CNTNAP5: variants seen among roughly 807,000 people sequenced by gnomAD.
CNTNAP5 encodes contactin associated protein family member 5.
Under a neutral mutation model 150.2 loss-of-function variants are expected in CNTNAP5, and 72 were observed. The ratio of observed to expected loss-of-function variants is 0.48; its 90% CI spans 0.40 to 0.58. The LOEUF (loss-of-function observed/expected upper bound fraction) is 0.58. Ranked by LOEUF, CNTNAP5 falls within the 20% of genes least tolerant of loss-of-function variation. The pLI, the probability that CNTNAP5 is intolerant of heterozygous loss-of-function variation, is 0.00. For missense variants in CNTNAP5, 1,636 were observed against 1,626.2 expected, an observed-to-expected ratio of 1.01 and a Z score of -0.10; for synonymous variants, 672 against 619.8, an observed-to-expected ratio of 1.08 and a Z score of -1.25.
At chr2:124,379,595 G>T (rs182428233) in intron 3 of CNTNAP5, among the ~76,000 whole-genome samples, 2 of 152,200 alleles carry the variant, frequency 1.3e-5, no homozygotes, top group East Asian at 3.9e-4. Flanking sequence ...GGTCAACTAG[G>T]AATAAAGCTT....
intron 1 of CNTNAP5, among the ~76,000 whole-genome samples, chr2:124,142,345 C>A (rs1251341549): frequency 1.3e-5 from 2 of 149,034 alleles, no homozygotes; most frequent in Non-Finnish European, 3.0e-5. Context: ...ACATTTTTTT[C>A]AGCACCACAC....
At chr2:124,327,268 C>T (rs1337244247) in intron 3 of CNTNAP5, among the ~76,000 whole-genome samples, 1 of 152,102 alleles carries the variant, frequency 6.6e-6, no homozygotes, top group Non-Finnish European at 1.5e-5. Context: ...GCATGAGCCA[C>T]TGCGCCCGGC....
At chr2:124,375,983 T>A (rs1465728787) in intron 3 of CNTNAP5, among the ~76,000 whole-genome samples, 1 of 152,104 alleles carries the variant, frequency 6.6e-6, no homozygotes, top group Non-Finnish European at 1.5e-5. Flanking sequence ...GGCTTTGGCC[T>A]GCTGTTCTGC....
At chr2:124,597,775 G>A (rs1573485517) in intron 11 of CNTNAP5, among the ~76,000 whole-genome samples, 2 of 151,926 alleles carry the variant, frequency 1.3e-5, no homozygotes, top group African/African-American at 4.8e-5. Flanking sequence ...TCACTTTCAG[G>A]CACACCAATC....
chr2:124,120,796 C>T (rs1317489781), intron 1 of CNTNAP5, among the ~76,000 whole-genome samples: 1 of 152,132 alleles, frequency 6.6e-6, no homozygotes, highest in Non-Finnish European at 1.5e-5. Flanking sequence ...TAGATATCAA[C>T]TAAATGAAGA....
intron 1 of CNTNAP5, among the ~76,000 whole-genome samples, chr2:124,054,289 T>A (rs1484548456): frequency 6.6e-6 from 1 of 152,148 alleles, no homozygotes; most frequent in Non-Finnish European, 1.5e-5. Flanking sequence ...GATATGGGCA[T>A]TTGGGCAGTG....
At chr2:124,801,441 A>G (rs1681963484) in intron 19 of CNTNAP5, among the ~76,000 whole-genome samples, 1 of 152,210 alleles carries the variant, frequency 6.6e-6, no homozygotes, top group Non-Finnish European at 1.5e-5. Flanking sequence ...ATAACAGTGG[A>G]ATAAAGTACC....
intron 5 of CNTNAP5, among the ~76,000 whole-genome samples, chr2:124,437,332 T>G (rs1692556716): frequency 6.6e-6 from 1 of 152,188 alleles, no homozygotes. Flanking sequence ...ATATTCACAG[T>G]GTGGTAATGT....
At chr2:124,634,300 G>A (rs780344379) in intron 12 of CNTNAP5, among the ~76,000 whole-genome samples, 6 of 152,232 alleles carry the variant, frequency 3.9e-5, no homozygotes, top group Non-Finnish European at 5.9e-5. Flanking sequence ...AGGCCACATC[G>A]TGAAAGCTCT....
chr2:124,555,838 A>C (rs1430392092), intron 10 of CNTNAP5, among the ~76,000 whole-genome samples: 2 of 152,212 alleles, frequency 1.3e-5, no homozygotes, highest in Admixed American at 1.3e-4. Context: ...AGAGGGATTG[A>C]AAATAGAATT....
chr2:124,782,838 C>A (rs1227733405), intron 17 of CNTNAP5, among the ~76,000 whole-genome samples: 1 of 152,044 alleles, frequency 6.6e-6, no homozygotes, highest in Non-Finnish European at 1.5e-5. Flanking sequence ...GAAATATGAA[C>A]CATAATAAAT....
chr2:124,339,927 C>T (rs1359419056), intron 3 of CNTNAP5, among the ~76,000 whole-genome samples: 2 of 151,792 alleles, frequency 1.3e-5, no homozygotes, highest in Non-Finnish European at 2.9e-5. Flanking sequence ...GTCTTGCTGG[C>T]GTCAGTCTGA....
intron 3 of CNTNAP5, among the ~76,000 whole-genome samples, chr2:124,405,023 CTTAAGGT>C (rs1444549235): frequency 7.5e-6 from 1 of 133,324 alleles, no homozygotes; most frequent in Non-Finnish European, 1.6e-5. Context: ...TATATTAGTA[CTTAAGGT>C]TGTGGGGGTG....
chr2:124,443,310 T>C (rs1692722838), intron 5 of CNTNAP5, among the ~76,000 whole-genome samples: 1 of 150,404 alleles, frequency 6.6e-6, no homozygotes, highest in African/African-American at 2.4e-5. Flanking sequence ...GTATATATAT[T>C]AGAGCATGGA....
intron 13 of CNTNAP5, among the ~76,000 whole-genome samples, chr2:124,734,200 G>T (rs1214342640): frequency 6.6e-6 from 1 of 152,094 alleles, no homozygotes; most frequent in African/African-American, 2.4e-5. Context: ...GTCTGCTGAA[G>T]GGTGGTGGGA....
At chr2:124,170,469 ACAT>A (rs1482144482) in intron 1 of CNTNAP5, among the ~76,000 whole-genome samples, 1 of 152,150 alleles carries the variant, frequency 6.6e-6, no homozygotes, top group Non-Finnish European at 1.5e-5. Flanking sequence ...GCGTCTTGGG[ACAT>A]CAGCAGAGAT....
chr2:124,867,291 G>A (rs1295264639), intron 20 of CNTNAP5, among the ~76,000 whole-genome samples: 1 of 152,170 alleles, frequency 6.6e-6, no homozygotes, highest in Non-Finnish European at 1.5e-5. Flanking sequence ...TTCTTACAGT[G>A]TTCCATTCTC....
intron 3 of CNTNAP5, among the ~76,000 whole-genome samples, chr2:124,354,617 T>C (rs1689953667): frequency 6.6e-6 from 1 of 152,172 alleles, no homozygotes; most frequent in Non-Finnish European, 1.5e-5. Context: ...TGAGTCTCTA[T>C]GAGTAAGCTG....
rs568163699 is a variant in CNTNAP5 at position 124,920,793 on chromosome 2, T to C, written c.*6505T>C. 5.5e-4 allele frequency among the ~76,000 whole-genome samples: 83 copies of C among 152,274 alleles called. No individual in the cohort carries two copies. The highest frequency in any genetic ancestry group is 1.9e-3 in the African/African-American group (80 of 41,582). On this transcript the variant is annotated 3_prime_UTR_variant, in exon 24 of 24. Coordinates refer to ENST00000682447, the MANE Select transcript of CNTNAP5 (RefSeq NM_001367498.1). ...AGAGCATTACAGTGTCTGTTTCAGA[T>C]GGGAAGTAAGTCTTCCTATGGCATG...
Sources: gnomAD v4.1 joint callset for allele counts (sites outside exome capture counted in the v4.1 genomes callset) on GRCh38, gnomAD v4.1.1 for gene constraint, MANE v1.5 for transcripts, NCBI Gene and HGNC (gene_info 2026-07-23, HGNC 2026-07-21) for gene names.